STK39: variants seen among roughly 807,000 people sequenced by gnomAD.
The protein encoded by STK39 is STE20/SPS1-related proline-alanine-rich protein kinase.
A neutral mutation model predicts 77.8 loss-of-function variants in STK39; 20 were observed. That is an observed-to-expected ratio of 0.26 (90% CI 0.18 to 0.37). STK39 has a LOEUF of 0.37. STK39 is among the 10% of genes least tolerant of loss of function. STK39 has a pLI of 1.00. For missense variants in STK39, 479 were observed against 656.5 expected (o/e 0.73, Z 2.95); for synonymous variants, 246 against 234.1 (o/e 1.05, Z -0.47).
intron 1 of STK39, among the ~76,000 whole-genome samples, chr2:168,187,013 T>C (rs985770053): frequency 3.9e-5 from 6 of 152,218 alleles, no homozygotes; most frequent in Admixed American, 1.3e-4. Context: ...TAATATTCCA[T>C]AGCAAAGATT....
At chr2:167,982,838 C>G (rs1007951478) in intron 16 of STK39, among the ~76,000 whole-genome samples, 3 of 152,216 alleles carry the variant, frequency 2.0e-5, no homozygotes, top group Non-Finnish European at 4.4e-5. Context: ...AAAAGCTTCT[C>G]TTCAGATCTC....
chr2:168,087,495 C>T lies in STK39; in HGVS notation c.1090-12264G>A, dbSNP rs541610396. ...TAATCTGGGTGGGCCTGATTCAATA[C>T]GTGGAAAAGCTTTCAGAGCTGAGCT... is the stretch of plus-strand genomic sequence containing the variant. On this transcript the variant is annotated intron_variant, in intron 10 of 17. Coordinates refer to ENST00000355999, the MANE Select transcript of STK39 (RefSeq NM_013233.3). 5.3e-5 allele frequency among the ~76,000 whole-genome samples: 8 copies of T among 152,304 alleles called. No homozygotes were observed. The East Asian group carries it at 1.2e-3, about 22-fold the overall frequency.
chr2:168,136,313 G>T (rs1478988898), intron 8 of STK39, among the ~76,000 whole-genome samples: 2 of 148,224 alleles, frequency 1.3e-5, no homozygotes, highest in African/African-American at 5.0e-5. Context: ...AGGTTGCAGT[G>T]AGCCAAGATC....
intron 16 of STK39, among the ~76,000 whole-genome samples, chr2:168,009,197 G>C (rs912348654): frequency 1.3e-5 from 2 of 152,078 alleles, no homozygotes; most frequent in Non-Finnish European, 2.9e-5. Flanking sequence ...GGTAAAGACA[G>C]GGCTTTCTGA....
chr2:167,972,052 C>CA (rs1018826440), intron 16 of STK39, among the ~76,000 whole-genome samples: 11 of 151,670 alleles, frequency 7.3e-5, no homozygotes, highest in Non-Finnish European at 1.3e-4. Flanking sequence ...ATGAAACAAA[C>CA]AAAAAAAAGA....
chr2:168,028,096 C>G (rs1684746310), intron 14 of STK39, among the ~76,000 whole-genome samples: 1 of 152,174 alleles, frequency 6.6e-6, no homozygotes, highest in South Asian at 2.1e-4. Context: ...TGTTTCCTCT[C>G]CCTAACCTTA....
At chr2:168,118,322 G>A (rs1344131844) in intron 10 of STK39, among the ~76,000 whole-genome samples, 1 of 152,084 alleles carries the variant, frequency 6.6e-6, no homozygotes, top group Non-Finnish European at 1.5e-5. Context: ...AAATCTAACT[G>A]GATGTGATTT....
intron 14 of STK39, among the ~76,000 whole-genome samples, chr2:168,028,815 C>T (rs114792282): frequency 0.018 from 2,775 of 152,250 alleles, 80 homozygotes; most frequent in African/African-American, 0.062. Context: ...CAAACCAACA[C>T]GCTAAGTACT....
chr2:168,030,133 G>A (rs756588878), intron 14 of STK39, among the ~76,000 whole-genome samples: 6 of 152,104 alleles, frequency 3.9e-5, no homozygotes, highest in East Asian at 1.9e-4. Flanking sequence ...CCAGCTACTC[G>A]GAAGGCTGAG....
chr2:168,123,343 A>G (rs1306335090), intron 10 of STK39, among the ~76,000 whole-genome samples: 1 of 152,208 alleles, frequency 6.6e-6, no homozygotes, highest in Non-Finnish European at 1.5e-5. Flanking sequence ...TCTAAAAAAT[A>G]ATAGTATTAC....
intron 15 of STK39, among the ~76,000 whole-genome samples, chr2:168,015,241 C>T (rs1477049656): frequency 6.6e-6 from 1 of 152,172 alleles, no homozygotes; most frequent in African/African-American, 2.4e-5. Context: ...ACACAAAGGG[C>T]TTGTCCTCAA....
At chr2:168,007,358 T>A (rs142724864) in intron 16 of STK39, among the ~76,000 whole-genome samples, 28 of 152,286 alleles carry the variant, frequency 1.8e-4, no homozygotes, top group African/African-American at 6.5e-4. Flanking sequence ...TCTATATATA[T>A]CAAAATGGGA....
At position 168,012,644 on chromosome 2, in the gene STK39, A is replaced by G; in HGVS notation, c.1488T>C (p.Asp496=). The change falls in exon 16 of 18, where the codon GAT becomes GAC. Residue 496 remains aspartate, a synonymous_variant. Coordinates refer to ENST00000355999, the MANE Select transcript of STK39 (RefSeq NM_013233.3). The part of the protein sequence containing the change: ...LFSAGLVDGH[D]VVIVAANLQK... ...TAAAAAACAATTTACCTATAACTAC[A>G]TCGTGACCATCCACCAAGCCAGCAG... 2 of 1,613,762 alleles carry G rather than the reference A, an allele frequency of 1.2e-6. No individual in the cohort carries two copies. Among genetic ancestry groups the G allele is most frequent in the Non-Finnish European group, 1.7e-6 (2 of 1,179,794 alleles).
chr2:167,957,765 T>C (rs911551613), intron 17 of STK39, among the ~76,000 whole-genome samples: 3 of 152,216 alleles, frequency 2.0e-5, no homozygotes, highest in Non-Finnish European at 4.4e-5. Context: ...CAATATCCAA[T>C]AGTGGTTGAA....
chr2:168,113,893 T>C (rs985420488), intron 10 of STK39, among the ~76,000 whole-genome samples: 1 of 152,156 alleles, frequency 6.6e-6, no homozygotes, highest in Non-Finnish European at 1.5e-5. Context: ...AGAGACCCCA[T>C]AGAAATAACA....
At chr2:168,119,040 T>G (rs1289104128) in intron 10 of STK39, among the ~76,000 whole-genome samples, 1 of 152,212 alleles carries the variant, frequency 6.6e-6, no homozygotes, top group Middle Eastern at 3.4e-3. Context: ...AGCTCTAAAA[T>G]AGGAAAAATA....
intron 1 of STK39, among the ~76,000 whole-genome samples, chr2:168,210,086 A>G (rs185886528): frequency 3.8e-4 from 51 of 135,372 alleles, no homozygotes; most frequent in Middle Eastern, 4.0e-3. Flanking sequence ...AGGAAGAAAG[A>G]AACTCATGTA....
At chr2:168,208,891 A>AT (rs1689811168) in intron 1 of STK39, among the ~76,000 whole-genome samples, 1 of 152,160 alleles carries the variant, frequency 6.6e-6, no homozygotes, top group African/African-American at 2.4e-5. Context: ...CTGACTTAAG[A>AT]TATCTCCCAC....
intron 5 of STK39, among the ~76,000 whole-genome samples, chr2:168,147,386 G>A (rs776930027): frequency 7.9e-5 from 12 of 152,184 alleles, no homozygotes; most frequent in African/African-American, 2.7e-4. Flanking sequence ...TACCACCAAC[G>A]TTGGATGATT....
Sources: gnomAD v4.1 joint callset for allele counts (sites outside exome capture counted in the v4.1 genomes callset) on GRCh38, gnomAD v4.1.1 for gene constraint, MANE v1.5 for transcripts, NCBI Gene and HGNC (gene_info 2026-07-23, HGNC 2026-07-21) for gene names.